Variants in RFC3 observed in about 807,000 individuals in gnomAD.
RFC3 encodes replication factor C subunit 3, also known as A1 38 kDa subunit.
Under a neutral mutation model 45.1 loss-of-function variants are expected in RFC3, and 41 were observed. That is an observed-to-expected ratio of 0.91 (90% CI 0.71 to 1.18). The LOEUF (loss-of-function observed/expected upper bound fraction) is 1.18, where lower values mean the gene tolerates loss of function less well. RFC3 is among the 50% of genes most tolerant of loss of function. The probability of loss-of-function intolerance (pLI) is 0.00; values close to 1 mark genes in which losing one functional copy is unlikely to be tolerated. For synonymous variants in RFC3, 149 were observed against 144.0 expected (o/e 1.03, Z -0.25); for missense variants, 423 against 428.1 (o/e 0.99, Z 0.10).
intron 8 of RFC3, among the ~76,000 whole-genome samples, chr13:33,885,426 T>C (rs971812493): frequency 6.6e-6 from 1 of 152,168 alleles, no homozygotes; most frequent in Non-Finnish European, 1.5e-5. Flanking sequence ...GCTTTTACTG[T>C]AACCATCACC....
chr13:33,841,498 G>A (rs963886977), downstream of RFC3, among the ~76,000 whole-genome samples: 4 of 152,132 alleles, frequency 2.6e-5, no homozygotes, highest in Admixed American at 1.3e-4. Flanking sequence ...AGTACTGTAG[G>A]TGTAATTTCT....
At chr13:33,884,096 G>A (rs1338645186) in intron 8 of RFC3, among the ~76,000 whole-genome samples, 1 of 152,148 alleles carries the variant, frequency 6.6e-6, no homozygotes, top group Non-Finnish European at 1.5e-5. Flanking sequence ...TACACAAATG[G>A]ATAATTAGCA....
At chr13:33,841,647 A>G (rs570563056), downstream of RFC3, among the ~76,000 whole-genome samples, 1 of 152,226 alleles carries the variant, frequency 6.6e-6, no homozygotes, top group Admixed American at 6.5e-5. Context: ...TGGGGGAGTC[A>G]AAAGTTATAC....
intron 1 of RFC3, among the ~76,000 whole-genome samples, chr13:33,819,944 A>G (rs757295141): frequency 5.1e-4 from 77 of 152,342 alleles, no homozygotes; most frequent in Non-Finnish European, 8.5e-4. Flanking sequence ...CAGGCAGTAT[A>G]TTAGATTGAA....
intron 7 of RFC3, among the ~76,000 whole-genome samples, chr13:33,832,766 T>C (rs2082116262): frequency 6.6e-6 from 1 of 152,190 alleles, no homozygotes; most frequent in East Asian, 1.9e-4. Flanking sequence ...TTTACTTTTA[T>C]AAAATATTTC....
rs140087349 is a variant in RFC3 at position 33,894,953 on chromosome 13, G to A, written c.879+59736G>A. Among the ~76,000 whole-genome samples, 523 of 152,158 alleles carry A rather than the reference G, an allele frequency of 3.4e-3. 4 individuals carry two copies. Among genetic ancestry groups the A allele is most frequent in the African/African-American group, 0.012 (505 of 41,514 alleles). On this transcript the variant is annotated intron_variant, in intron 8 of 8. Transcript: ENST00000434425. The stretch of plus-strand genomic sequence containing the variant: ...GGTGAGAACACTGGATAATTCACAC[G>A]TAGAAGAATGAACTGGACACCTATC...
chr13:33,927,986 A>G lies in RFC3; in HGVS notation c.880-38101A>G, dbSNP rs150148056. 4.8e-3 allele frequency among the ~76,000 whole-genome samples: 735 copies of G among 152,240 alleles called. 6 individuals are homozygous for G. Among genetic ancestry groups the G allele is most frequent in the African/African-American group, 0.017 (712 of 41,570 alleles). On this transcript the variant is annotated intron_variant, in intron 8 of 8. Transcript: ENST00000434425. ...CATCTACCATGGGCAAGGCACTGTT[A>G]ACATCTAATAACTCATTTAGTCTTC...
chr13:33,958,890 C>G (rs1055083922), intron 8 of RFC3, among the ~76,000 whole-genome samples: 2 of 152,158 alleles, frequency 1.3e-5, no homozygotes, highest in African/African-American at 2.4e-5. Flanking sequence ...AGAGGGCCTC[C>G]AAGGCCATAC....
intron 4 of RFC3, among the ~76,000 whole-genome samples, chr13:33,827,330 A>C (rs574528083): frequency 6.6e-6 from 1 of 152,258 alleles, no homozygotes; most frequent in East Asian, 1.9e-4. Context: ...TTCTAGAGTA[A>C]ACATGACTTG....
At chr13:33,964,807 G>A in intron 8 of RFC3, among the ~76,000 whole-genome samples, 1 of 152,178 alleles carries the variant, frequency 6.6e-6, no homozygotes, top group Middle Eastern at 3.2e-3. Flanking sequence ...AAGGATATTT[G>A]CAAATATAAC....
chr13:33,911,491 T>C (rs778602198), intron 8 of RFC3, among the ~76,000 whole-genome samples: 1 of 152,080 alleles, frequency 6.6e-6, no homozygotes, highest in Non-Finnish European at 1.5e-5. Flanking sequence ...ACAGAATACC[T>C]GAGGCTGAGT....
rs754693463 is a variant in RFC3 at position 33,829,886 on chromosome 13, T to G, written c.442T>G (p.Leu148Val). The G allele has an allele frequency of 2.5e-6, 4 of 1,614,150 alleles. No individual in the cohort carries two copies. The highest frequency in any genetic ancestry group is 3.4e-6 in the Non-Finnish European group (4 of 1,179,966). ...DKLTKDAQHA[L>V]RRTMEKYMST... Reference sequence around the variant, plus strand: ...ACTCACCAAAGATGCTCAGCATGCCTTGCGAAGAACCATGGAAAAATATAT... The same window carrying G: ...ACTCACCAAAGATGCTCAGCATGCCGTGCGAAGAACCATGGAAAAATATAT... Residue 148 changes from leucine to valine, a missense_variant, in exon 5 of 9, where the codon TTG (leucine) becomes GTG (valine). Leu to Val is a conservative substitution (Grantham distance 32). Coordinates refer to ENST00000380071, the MANE Select transcript of RFC3 (RefSeq NM_002915.4).
intron 8 of RFC3, among the ~76,000 whole-genome samples, chr13:33,900,615 T>C (rs186041519): frequency 1.4e-3 from 218 of 151,986 alleles, no homozygotes; most frequent in African/African-American, 5.0e-3. Context: ...TCTAAGACAT[T>C]GATCTGGGCA....
chr13:33,873,569 G>A (rs1313260639), intron 8 of RFC3, among the ~76,000 whole-genome samples: 1 of 152,170 alleles, frequency 6.6e-6, no homozygotes. Context: ...CAAACTGACA[G>A]AGAGAGGATA....
intron 8 of RFC3, among the ~76,000 whole-genome samples, chr13:33,893,850 A>G (rs1434149904): frequency 6.6e-6 from 1 of 152,142 alleles, no homozygotes; most frequent in Non-Finnish European, 1.5e-5. Context: ...AGAAAAAAGA[A>G]TGAAGACCAT....
chr13:33,908,077 G>A lies in RFC3; in HGVS notation c.880-58010G>A, dbSNP rs142304771. Among the ~76,000 whole-genome samples the A allele has an allele frequency of 4.3e-4, 65 of 151,702 alleles. 2 individuals are homozygous for A. In the East Asian group the frequency reaches 0.011, roughly 26 times the overall value. ...TTTTCTTTTTAAGGATATGCTGAAA[G>A]TGAGAAAGGGTATTAAAGTATTAAA... On this transcript the variant is annotated intron_variant, in intron 8 of 8. Transcript: ENST00000434425.
chr13:33,941,305 CT>C (rs1163962925), intron 8 of RFC3, among the ~76,000 whole-genome samples: 1 of 152,064 alleles, frequency 6.6e-6, no homozygotes, highest in Non-Finnish European at 1.5e-5. Context: ...GCACCTAATC[CT>C]TTCTGGTCAT....
intron 8 of RFC3, chr13:33,850,519 AAATT>A (rs2082269851): frequency 6.6e-6 from 1 of 152,116 alleles, no homozygotes; most frequent in African/African-American, 2.4e-5. Flanking sequence ...CTTTGATTTT[AAATT>A]AATTGAAATA....
the RFC3 span, among the ~76,000 whole-genome samples, chr13:33,974,510 TG>T: frequency 6.6e-6 from 1 of 152,214 alleles, no homozygotes; most frequent in Non-Finnish European, 1.5e-5. Context: ...TCTTTATTTT[TG>T]TCATGAATTA....
Sources: gnomAD v4.1 joint callset for allele counts (sites outside exome capture counted in the v4.1 genomes callset) on GRCh38, gnomAD v4.1.1 for gene constraint, MANE v1.5 for transcripts, NCBI Gene and HGNC (gene_info 2026-07-23, HGNC 2026-07-21) for gene names.